Variants in DISP1 observed in about 807,000 individuals in gnomAD.
DISP1 encodes the protein dispatched RND transporter family member 1, also known as protein dispatched homolog 1.
In DISP1, 30 loss-of-function variants were observed where a neutral mutation model predicts 37.3. The observed-to-expected ratio is 0.80, with a 90% CI of 0.60 to 1.09. The LOEUF is 1.09. DISP1 is among the 50% of genes least tolerant of loss of function. The pLI is 0.00. For missense variants in DISP1, 1,598 were observed against 1,879.5 expected, an observed-to-expected ratio of 0.85 and a Z score of 2.77; for synonymous variants, 634 against 690.2, an observed-to-expected ratio of 0.92 and a Z score of 1.28.
At chr1:222,829,400 A>G (rs572673416) in intron 1 of DISP1, among the ~76,000 whole-genome samples, 2 of 152,144 alleles carry the variant, frequency 1.3e-5, no homozygotes, top group East Asian at 3.9e-4. Flanking sequence ...AAAACGTATC[A>G]GTTTTCAAAG....
At chr1:222,922,623 G>A (rs890594019) in intron 1 of DISP1, among the ~76,000 whole-genome samples, 1 of 152,128 alleles carries the variant, frequency 6.6e-6, no homozygotes, top group African/African-American at 2.4e-5. Context: ...GTTTGAGGAT[G>A]ATAAGATCAT....
intron 1 of DISP1, among the ~76,000 whole-genome samples, chr1:222,899,153 A>G (rs1171785931): frequency 6.6e-6 from 1 of 152,292 alleles, no homozygotes; most frequent in South Asian, 2.1e-4. Flanking sequence ...GCCATGAGAA[A>G]ACCAAGGCTC....
intron 1 of DISP1, among the ~76,000 whole-genome samples, chr1:222,821,727 A>AT (rs1419420196): frequency 6.6e-6 from 1 of 151,946 alleles, no homozygotes; most frequent in Non-Finnish European, 1.5e-5. Context: ...AATAATACAA[A>AT]TATTAGCCGG....
At chr1:222,872,446 T>G (rs1669646481) in intron 1 of DISP1, 2 of 152,218 alleles carry the variant, frequency 1.3e-5, no homozygotes, top group Admixed American at 6.5e-5. Context: ...AGCTATTAAT[T>G]ATTGCCTCAA....
rs1469239193 is a variant in DISP1, at chr1:222,893,880, G to A, written c.-158-34550G>A. Among the ~76,000 whole-genome samples, 1 of 152,150 alleles carries A rather than the reference G, an allele frequency of 6.6e-6. No individual in the cohort carries two copies. Among genetic ancestry groups the A allele is most frequent in the African/African-American group, 2.4e-5 (1 of 41,422 alleles). On this transcript the variant is annotated intron_variant, in intron 1 of 8. Coordinates refer to ENST00000675850, the MANE Select transcript of DISP1 (RefSeq NM_001377229.1). The surrounding 1 kb of genome is among the most constrained non-coding windows in gnomAD (Gnocchi z 4.3). ...TCAGCAGGTCCTAAGTTCTTGTCCCGTGTCCAGGAATAATGAGGTACATGG... is the reference window on the plus strand; with the variant it reads ...TCAGCAGGTCCTAAGTTCTTGTCCCATGTCCAGGAATAATGAGGTACATGG...
chr1:222,954,243 T>C (rs1017434104), intron 3 of DISP1, among the ~76,000 whole-genome samples: 3 of 152,162 alleles, frequency 2.0e-5, no homozygotes, highest in African/African-American at 7.2e-5. Context: ...AGGTGTAACT[T>C]AAAAGAATTT....
intron 1 of DISP1, among the ~76,000 whole-genome samples, chr1:222,896,374 G>T (rs1265523419): frequency 6.6e-6 from 1 of 152,080 alleles, no homozygotes; most frequent in African/African-American, 2.4e-5. Flanking sequence ...GCCAAAGCAG[G>T]TAGATCACCT....
At chr1:222,833,182 G>C (rs935387775) in intron 1 of DISP1, among the ~76,000 whole-genome samples, 9 of 151,338 alleles carry the variant, frequency 5.9e-5, no homozygotes, top group African/African-American at 2.2e-4. Flanking sequence ...TCCACACTCT[G>C]TTTTAGACAG....
chr1:222,844,057 C>CTT (rs149291940), intron 1 of DISP1, among the ~76,000 whole-genome samples: 3 of 151,892 alleles, frequency 2.0e-5, no homozygotes. Flanking sequence ...ATTCTCCAGT[C>CTT]TTTGTATTTT....
chr1:222,827,652 T>A (rs1435969508), intron 1 of DISP1: 1 of 152,184 alleles, frequency 6.6e-6, no homozygotes, highest in Admixed American at 6.5e-5. Context: ...TTTTTATTTC[T>A]AGAACTGAGG....
chr1:222,983,231 A>G, intron 4 of DISP1, 122 bp downstream of exon 4: 1 of 839,378 alleles, frequency 1.2e-6, no homozygotes, highest in Non-Finnish European at 2.0e-6. Context: ...TATGAAAGAA[A>G]AAGAAATGTC....
chr1:222,885,740 G>C (rs1199072204), intron 1 of DISP1, among the ~76,000 whole-genome samples: 1 of 152,136 alleles, frequency 6.6e-6, no homozygotes, highest in Non-Finnish European at 1.5e-5. Flanking sequence ...CTGAGTGCTA[G>C]ATGTGCTTCC....
intron 1 of DISP1, among the ~76,000 whole-genome samples, chr1:222,859,014 A>G (rs973130886): frequency 1.3e-5 from 2 of 152,254 alleles, no homozygotes; most frequent in Non-Finnish European, 2.9e-5. Flanking sequence ...TCATTCTATT[A>G]CAAAGTTACA....
At chr1:222,918,564 C>A (rs1371059289) in intron 1 of DISP1, among the ~76,000 whole-genome samples, 2 of 152,046 alleles carry the variant, frequency 1.3e-5, no homozygotes, top group Admixed American at 1.3e-4. Context: ...TTTGGAAGTA[C>A]AACTACATGG....
rs1669351700 is a variant in DISP1, at chr1:222,868,848, T to A, written c.-159+53770T>A. 2.0e-5 allele frequency among the ~76,000 whole-genome samples: 3 copies of A among 152,170 alleles called. No individual in the cohort carries two copies. The South Asian group carries it at 6.2e-4, about 31-fold the overall frequency. On this transcript the variant is annotated intron_variant, in intron 1 of 8. Transcript: ENST00000675850. ...TCGCCTATATTCTTGATTCACATAA[T>A]GTTAAAAATTTCATTTATTTTAGAA...
Position 223,002,628 on chromosome 1 carries a change from T to G in DISP1, c.1231T>G (p.Cys411Gly). 6.2e-7 allele frequency: 1 copy of G among 1,614,194 alleles called. No homozygotes were observed. Among genetic ancestry groups the G allele is most frequent in the Non-Finnish European group, 8.5e-7 (1 of 1,180,032 alleles). ...MAARRKDQLK[C>G]TNVPRKCTKY... is the part of the protein sequence containing the mutation. ...AGCCAGAAGAAAGGACCAGCTCAAG[T>G]GCACCAATGTGCCACGCAAATGTAC... The change falls in exon 9 of 9, where the codon TGC becomes GGC. Residue 411 changes from cysteine (C) to glycine (G), a missense_variant. Transcript: ENST00000675850.
intron 1 of DISP1, among the ~76,000 whole-genome samples, chr1:222,895,501 T>C (rs1671199950): frequency 6.6e-6 from 1 of 152,268 alleles, no homozygotes. Flanking sequence ...GATTTTCTTT[T>C]CCTTTGTGAG....
At chr1:222,912,826 AT>A (rs1672282375) in intron 1 of DISP1, among the ~76,000 whole-genome samples, 2 of 152,192 alleles carry the variant, frequency 1.3e-5, no homozygotes, top group African/African-American at 4.8e-5. Context: ...TTATTTGGTT[AT>A]TTGAGGTTTC....
intron 3 of DISP1, among the ~76,000 whole-genome samples, chr1:222,975,385 T>C (rs34684409): frequency 0.36 from 54,736 of 151,942 alleles, 10,309 homozygotes; most frequent in Middle Eastern, 0.47. Flanking sequence ...AATAGAATTC[T>C]CTAGACTGAT....
Sources: gnomAD v4.1 joint callset for allele counts (sites outside exome capture counted in the v4.1 genomes callset) on GRCh38, gnomAD v4.1.1 for gene constraint, Gnocchi (gnomAD v3.1) non-coding constraint, MANE v1.5 for transcripts, NCBI Gene and HGNC (gene_info 2026-07-23, HGNC 2026-07-21) for gene names.